Variants in LSM8 observed in about 807,000 individuals in gnomAD.
The protein encoded by LSM8 is LSM8 homolog, U6 small nuclear RNA associated.
A neutral mutation model predicts 15.0 loss-of-function variants in LSM8; 14 were observed. That is an observed-to-expected ratio of 0.93 (90% CI 0.62 to 1.46). LSM8 has a LOEUF of 1.46. Ranked by LOEUF, LSM8 falls within the 40% of genes most tolerant of loss-of-function variation. The probability of loss-of-function intolerance (pLI) is 0.00; values close to 1 mark genes in which losing one functional copy is unlikely to be tolerated. For synonymous variants in LSM8, 50 were observed against 42.1 expected, an observed-to-expected ratio of 1.19 and a Z score of -0.73; for missense variants, 90 against 115.4, an observed-to-expected ratio of 0.78 and a Z score of 1.01.
rs1809178207 is a variant in LSM8, at chr7:118,201,865, G to GT, written c.*9866dup. 1.3e-5 allele frequency among the ~76,000 whole-genome samples: 2 copies of GT among 151,926 alleles called. No individual in the cohort carries two copies. The highest frequency in any genetic ancestry group is 2.9e-5 in the Non-Finnish European group (2 of 67,954). ...CTTTTAATGCAACTTTATCTTCTGG[G>GT]TTTCCCTAGTCATAATTAAGGGTTT... On this transcript the variant is annotated 3_prime_UTR_variant, in exon 4 of 4. Transcript: ENST00000249299.
intron 3 of LSM8, 115 bp from the exon 4 acceptor site, chr7:118,191,797 C>T: frequency 1.4e-6 from 1 of 736,052 alleles, no homozygotes; most frequent in Non-Finnish European, 2.2e-6. Flanking sequence ...ACTGTGCTCT[C>T]TCAGTTTTAT....
rs776415984 is a variant in LSM8 at position 118,184,272 on chromosome 7, G to A, written c.31+18G>A. On this transcript the variant is annotated intron_variant, in intron 1 of 3. Transcript: ENST00000249299. ...CATCAACCGTATCCTCAAGCTGGCC[G>A]CCGCGGGCGTGAGCCGGGGTCGCGG... 8.3e-5 allele frequency: 123 copies of A among 1,479,646 alleles called. No individual in the cohort carries two copies. Among genetic ancestry groups the A allele is most frequent in the Non-Finnish European group, 1.1e-4 (117 of 1,105,502 alleles). The allele number at this position is 1,479,646 out of a possible 1,614,324, so 91.7% of individuals were successfully genotyped here.
chr7:118,196,241 A>G lies in LSM8; in HGVS notation c.*4239A>G, dbSNP rs1223428253. On this transcript the variant is annotated 3_prime_UTR_variant, in exon 4 of 4. Coordinates refer to ENST00000249299, the MANE Select transcript of LSM8 (RefSeq NM_016200.5). ...GTGAAGCTTCTATCTGTCTGTATCT[A>G]CCTCAACCAAATCATCTTGACTCAG... is the stretch of plus-strand genomic sequence containing the variant. 6.6e-6 allele frequency among the ~76,000 whole-genome samples: 1 copy of G among 152,144 alleles called. No individual in the cohort carries two copies. Among genetic ancestry groups the G allele is most frequent in the Non-Finnish European group, 1.5e-5 (1 of 68,024 alleles).
At chr7:118,184,390 C>G in intron 1 of LSM8, 136 bp downstream of exon 1, 1 of 1,068,590 alleles carries the variant, frequency 9.4e-7, no homozygotes, top group Non-Finnish European at 1.2e-6. Flanking sequence ...CCGGAACGAC[C>G]CAGAGTTCGC....
chr7:118,185,797 C>A, intron 2 of LSM8, 103 bp downstream of exon 2: 1 of 970,282 alleles, frequency 1.0e-6, no homozygotes, highest in South Asian at 1.5e-5. Flanking sequence ...ACATTACACC[C>A]GTAGTGCAAT....
chr7:118,184,297 G>C (rs1244483155), intron 1 of LSM8, 43 bp downstream of exon 1: 1 of 1,456,744 alleles, frequency 6.9e-7, no homozygotes, highest in South Asian at 1.3e-5. Flanking sequence ...CGGGGTCGCG[G>C]AGAGGCCGCG....
Position 118,194,086 on chromosome 7 carries a change from A to C in LSM8, c.*2084A>C, listed in dbSNP as rs1249004379. The stretch of plus-strand genomic sequence containing the variant: ...TGGACTGTTTTCTCACAACCGATTA[A>C]AATTGGATTTATTTTTGCATGAGAA... On this transcript the variant is annotated 3_prime_UTR_variant, in exon 4 of 4. Coordinates refer to ENST00000249299, the MANE Select transcript of LSM8 (RefSeq NM_016200.5). 1.3e-5 allele frequency among the ~76,000 whole-genome samples: 2 copies of C among 152,118 alleles called. No individual in the cohort carries two copies. Among genetic ancestry groups the C allele is most frequent in the South Asian group, 2.1e-4 (1 of 4,832 alleles).
In LSM8 at chr7:118,197,899, A is replaced by G. The variant is rs1385671100; in HGVS notation, c.*5897A>G. Reference sequence around the variant, plus strand: ...ACTGTCAAGATTAAGATAAGCAGTTAGCACTCCCTAGAACATACTAATTTG... The same window carrying G: ...ACTGTCAAGATTAAGATAAGCAGTTGGCACTCCCTAGAACATACTAATTTG... On this transcript the variant is annotated 3_prime_UTR_variant, in exon 4 of 4. Coordinates refer to ENST00000249299, the MANE Select transcript of LSM8 (RefSeq NM_016200.5). Among the ~76,000 whole-genome samples, 1 of 152,188 alleles carries G rather than the reference A, an allele frequency of 6.6e-6. No homozygotes were observed. The highest frequency in any genetic ancestry group is 1.5e-5 in the Non-Finnish European group (1 of 68,020).
chr7:118,188,211 A>T, intron 2 of LSM8, 67 bp from the exon 3 acceptor site: 2 of 1,547,890 alleles, frequency 1.3e-6, no homozygotes, highest in South Asian at 2.2e-5. Flanking sequence ...AATGACTGTG[A>T]GGTTAAATTT....
Position 118,192,039 on chromosome 7 carries a change from T to C in LSM8, c.*37T>C, listed in dbSNP as rs747790850. 6.7e-6 allele frequency: 10 copies of C among 1,487,492 alleles called. No individual in the cohort carries two copies. The highest frequency in any genetic ancestry group is 1.7e-4 in the Middle Eastern group (1 of 5,818). The allele number at this position is 1,487,492 out of a possible 1,614,324, so 92.1% of individuals were successfully genotyped here. ...ATACTTGGACATCTGTAAATCTTTG[T>C]ACAGAAACTGATTATTCTGAGGATG... is the stretch of plus-strand genomic sequence containing the variant. On this transcript the variant is annotated 3_prime_UTR_variant, in exon 4 of 4. Coordinates refer to ENST00000249299, the MANE Select transcript of LSM8 (RefSeq NM_016200.5).
intron 2 of LSM8, 111 bp from the exon 3 acceptor site, chr7:118,188,167 T>G: frequency 8.2e-7 from 1 of 1,221,102 alleles, no homozygotes. Flanking sequence ...TTTGCCGTCG[T>G]ATAGGTACTT....
chr7:118,187,782 A>T (rs916726405), intron 2 of LSM8, among the ~76,000 whole-genome samples: 4 of 152,210 alleles, frequency 2.6e-5, no homozygotes, highest in African/African-American at 9.6e-5. Flanking sequence ...TATAGTACTA[A>T]ATCAAAGGGT....
At chr7:118,186,233 T>A (rs1808888659) in intron 2 of LSM8, among the ~76,000 whole-genome samples, 1 of 152,190 alleles carries the variant, frequency 6.6e-6, no homozygotes, top group Non-Finnish European at 1.5e-5. Context: ...TGCTAATTTA[T>A]GTCATATAAC....
In LSM8 at chr7:118,192,672, A is replaced by T. The variant is rs1809004359; in HGVS notation, c.*670A>T. 1 of 152,186 alleles carries T rather than the reference A, an allele frequency of 6.6e-6. No individual in the cohort carries two copies. Among genetic ancestry groups the T allele is most frequent in the Non-Finnish European group, 1.5e-5 (1 of 68,004 alleles). 9.4% of individuals were successfully genotyped at this position (152,186 alleles called of 1,614,324 possible). On this transcript the variant is annotated 3_prime_UTR_variant, in exon 4 of 4. Transcript: ENST00000249299. ...TGCCCAATTGGTTAGGTATGAAAGT[A>T]ATATGAACACATTAATGTTGAATTT...
Position 118,198,779 on chromosome 7 carries a change from T to C in LSM8, c.*6777T>C, listed in dbSNP as rs1336586047. Among the ~76,000 whole-genome samples the C allele has an allele frequency of 6.6e-6, 1 of 152,206 alleles. No homozygotes were observed. Among genetic ancestry groups the C allele is most frequent in the Non-Finnish European group, 1.5e-5 (1 of 68,040 alleles). On this transcript the variant is annotated 3_prime_UTR_variant, in exon 4 of 4. Coordinates refer to ENST00000249299, the MANE Select transcript of LSM8 (RefSeq NM_016200.5). Reference sequence around the variant, plus strand: ...CTTTTTATTGCAAAGAAAGGACCTGTCCTTCACCAGTTCCTGGAAGAAAAT... The same window carrying C: ...CTTTTTATTGCAAAGAAAGGACCTGCCCTTCACCAGTTCCTGGAAGAAAAT...
At position 118,196,916 on chromosome 7, in the gene LSM8, A is replaced by G. The variant is rs1182078511; in HGVS notation, c.*4914A>G. Among the ~76,000 whole-genome samples, 2 of 151,458 alleles carry G rather than the reference A, an allele frequency of 1.3e-5. No homozygotes were observed. The highest frequency in any genetic ancestry group is 2.9e-5 in the Non-Finnish European group (2 of 67,928). ...GGCTAATTTTTTTGTTTTAGTAGAGACGGGGTTTCACCATGTTGGCCAGGA... is the reference window on the plus strand; with the variant it reads ...GGCTAATTTTTTTGTTTTAGTAGAGGCGGGGTTTCACCATGTTGGCCAGGA... On this transcript the variant is annotated 3_prime_UTR_variant, in exon 4 of 4. Transcript: ENST00000249299.
rs1290921236 is a variant in LSM8 at position 118,196,608 on chromosome 7, T to G, written c.*4606T>G. On this transcript the variant is annotated 3_prime_UTR_variant, in exon 4 of 4. Transcript: ENST00000249299. Reference sequence around the variant, plus strand: ...ACCTCTTCTTGGTTTTGGCATTAAGTTTTTTTTTAACTCAATTTTTGTGTT... The same window carrying G: ...ACCTCTTCTTGGTTTTGGCATTAAGGTTTTTTTTAACTCAATTTTTGTGTT... 2.0e-5 allele frequency among the ~76,000 whole-genome samples: 3 copies of G among 150,778 alleles called. No individual in the cohort carries two copies. Among genetic ancestry groups the G allele is most frequent in the Non-Finnish European group, 4.4e-5 (3 of 67,640 alleles).
At position 118,200,652 on chromosome 7, in the gene LSM8, T is replaced by C. The variant is rs923984787; in HGVS notation, c.*8650T>C. On this transcript the variant is annotated 3_prime_UTR_variant, in exon 4 of 4. Coordinates refer to ENST00000249299, the MANE Select transcript of LSM8 (RefSeq NM_016200.5). ...ATAAACAAGCAAACTGTCATACTTG[T>C]TGACTTATATTTCATTCCATGGAAT... 1.3e-5 allele frequency among the ~76,000 whole-genome samples: 2 copies of C among 152,146 alleles called. No homozygotes were observed. The highest frequency in any genetic ancestry group is 4.8e-5 in the African/African-American group (2 of 41,452).
At chr7:118,184,304 C>T in intron 1 of LSM8, 50 bp downstream of exon 1, 2 of 1,447,062 alleles carry the variant, frequency 1.4e-6, no homozygotes, top group Non-Finnish European at 1.8e-6. Flanking sequence ...GCGGAGAGGC[C>T]GCGGTCGGGG....
Sources: allele counts gnomAD v4.1 joint callset (sites outside exome capture counted in the v4.1 genomes callset), GRCh38; gene constraint gnomAD v4.1.1; transcripts MANE v1.5; gene names NCBI Gene and HGNC (gene_info 2026-07-23, HGNC 2026-07-21).